Variants in KDSR observed in about 807,000 individuals in gnomAD.
The protein encoded by KDSR is 3-dehydrosphinganine reductase.
In KDSR, 23 loss-of-function variants were observed where a neutral mutation model predicts 41.3. That is an observed-to-expected ratio of 0.56 (90% CI 0.40 to 0.79). The LOEUF is 0.79. KDSR is among the 30% of genes least tolerant of loss of function. KDSR has a pLI of 0.00. For synonymous variants in KDSR, 138 were observed against 151.7 expected, an observed-to-expected ratio of 0.91 and a Z score of 0.66; for missense variants, 351 against 416.8, an observed-to-expected ratio of 0.84 and a Z score of 1.37.
chr18:63,344,377 A>C, intron 7 of KDSR, 33 bp downstream of exon 7: 12 of 1,407,958 alleles, frequency 8.5e-6, no homozygotes, highest in South Asian at 2.3e-5. Context: ...AGTAAACATT[A>C]GAGGTTCAAA....
At chr18:63,359,313 C>A (rs1914897178) in intron 3 of KDSR, among the ~76,000 whole-genome samples, 1 of 151,742 alleles carries the variant, frequency 6.6e-6, no homozygotes, top group African/African-American at 2.4e-5. Flanking sequence ...CTTCAGAGAC[C>A]CTGATCATTT....
At chr18:63,354,235 A>T (rs1286917894) in intron 5 of KDSR, among the ~76,000 whole-genome samples, 3 of 152,126 alleles carry the variant, frequency 2.0e-5, no homozygotes, top group African/African-American at 7.2e-5. Context: ...ACTCCGCTTG[A>T]GCCCGGGAGG....
intron 5 of KDSR, 139 bp downstream of exon 5, chr18:63,355,065 T>C: frequency 4.9e-6 from 3 of 607,080 alleles, no homozygotes; most frequent in Non-Finnish European, 8.6e-6. Flanking sequence ...CTTCACCTTG[T>C]TCAGCCTTCC....
chr18:63,340,515 G>A (rs926242509), intron 7 of KDSR, among the ~76,000 whole-genome samples: 1 of 152,180 alleles, frequency 6.6e-6, no homozygotes, highest in African/African-American at 2.4e-5. Context: ...ACAGTTCAAG[G>A]TGGTAAGTTC....
chr18:63,337,180 A>T (rs1464952454), intron 8 of KDSR, among the ~76,000 whole-genome samples: 4 of 148,362 alleles, frequency 2.7e-5, no homozygotes, highest in Admixed American at 1.4e-4. Flanking sequence ...CAATGGCTCA[A>T]TCTCAGCTCA....
chr18:63,331,734 A>G lies in KDSR; in HGVS notation c.*48T>C, dbSNP rs756136212. Reference sequence around the variant, plus strand: ...AAAAATTGGGTCCCATTTAGCAGCAAGCTGTTCAAATTATTTGGAAACAGT... The same window carrying G: ...AAAAATTGGGTCCCATTTAGCAGCAGGCTGTTCAAATTATTTGGAAACAGT... On this transcript the variant is annotated 3_prime_UTR_variant, in exon 10 of 10. Transcript: ENST00000645214. The G allele has an allele frequency of 1.3e-6, 2 of 1,595,978 alleles. No homozygotes were observed. Among genetic ancestry groups the G allele is most frequent in the South Asian group, 2.3e-5 (2 of 88,554 alleles).
chr18:63,332,626 T>C (rs1188186686), intron 9 of KDSR, among the ~76,000 whole-genome samples: 1 of 152,042 alleles, frequency 6.6e-6, no homozygotes, highest in Non-Finnish European at 1.5e-5. Flanking sequence ...GGTCAGGAGA[T>C]TGAGACCATC....
chr18:63,349,633 C>T (rs549562104), intron 6 of KDSR, among the ~76,000 whole-genome samples: 16 of 152,372 alleles, frequency 1.1e-4, no homozygotes, highest in African/African-American at 3.6e-4. Flanking sequence ...CACATCAGGA[C>T]TGTCGCTGTC....
At position 63,331,220 on chromosome 18, in the gene KDSR, C is replaced by T. The variant is rs902999945; in HGVS notation, c.*562G>A. On this transcript the variant is annotated 3_prime_UTR_variant, in exon 10 of 10. Transcript: ENST00000645214. ...GGGCTGTCAGTGACATTCAGACTCA[C>T]TGGCAATGGGTCCAACTCATCTTGA... 5 of 232,930 alleles carry T rather than the reference C, an allele frequency of 2.1e-5. No individual in the cohort carries two copies. Among genetic ancestry groups the T allele is most frequent in the African/African-American group, 1.1e-4 (5 of 45,330 alleles). 14.4% of individuals were successfully genotyped at this position (232,930 alleles called of 1,614,324 possible).
chr18:63,361,000 A>AATATATATATATAT (rs1555715412), intron 2 of KDSR, among the ~76,000 whole-genome samples: 3 of 22,026 alleles, frequency 1.4e-4, no homozygotes, highest in African/African-American at 7.1e-4. Context: ...ACTAAAAAAA[A>AATATATATATATAT]AATATATATA....
chr18:63,366,935 G>A (rs1171021244), intron 1 of KDSR, 76 bp downstream of exon 1: 4 of 733,320 alleles, frequency 5.5e-6, no homozygotes, highest in Non-Finnish European at 7.8e-6. Flanking sequence ...AAAAAGGGAC[G>A]TAGGCTACGC....
intron 7 of KDSR, 128 bp downstream of exon 7, chr18:63,344,282 A>C (rs1914432421): frequency 3.4e-6 from 2 of 584,934 alleles, no homozygotes. Flanking sequence ...GGTCATCAGA[A>C]ACCAGCTAGG....
chr18:63,361,936 C>CA (rs1334172952), intron 2 of KDSR, among the ~76,000 whole-genome samples: 1 of 152,218 alleles, frequency 6.6e-6, no homozygotes, highest in Admixed American at 6.5e-5. Flanking sequence ...TCCAGCCCTC[C>CA]ACCCATTTGA....
rs910664821 is a variant in KDSR at position 63,331,167 on chromosome 18, C to T, written c.*615G>A. 1.3e-5 allele frequency: 3 copies of T among 233,102 alleles called. No individual in the cohort carries two copies. Among genetic ancestry groups the T allele is most frequent in the Non-Finnish European group, 8.5e-6 (1 of 118,076 alleles). The allele number at this position is 233,102 out of a possible 1,614,324, so 14.4% of individuals were successfully genotyped here. On this transcript the variant is annotated 3_prime_UTR_variant, in exon 10 of 10. Coordinates refer to ENST00000645214, the MANE Select transcript of KDSR (RefSeq NM_002035.4). ...GAGAGAAGCCATGAGTTTCCACCAG[C>T]AGCAGAGTGAGTCCTGAGCACAACA...
intron 3 of KDSR, 144 bp from the exon 4 acceptor site, chr18:63,355,707 A>G (rs2144371614): frequency 2.4e-6 from 3 of 1,230,258 alleles, no homozygotes; most frequent in Non-Finnish European, 3.2e-6. Context: ...TGATGATGCA[A>G]TTAGCAGAAT....
At position 63,348,142 on chromosome 18, in the gene KDSR, T is replaced by C. The variant is rs564200903; in HGVS notation, c.609+2746A>G. ...CCCATGTCTACAAAAAATAAATAAA[T>C]AAAAAATAAACAAAAAAACGGTGAG... On this transcript the variant is annotated intron_variant, in intron 6 of 9. Coordinates refer to ENST00000645214, the MANE Select transcript of KDSR (RefSeq NM_002035.4). 2.2e-3 allele frequency among the ~76,000 whole-genome samples: 340 copies of C among 151,194 alleles called. 1 individual carries two copies. The highest frequency in any genetic ancestry group is 7.5e-3 in the African/African-American group (308 of 41,182).
chr18:63,337,091 ACT>A (rs1491580647), intron 8 of KDSR, among the ~76,000 whole-genome samples: 1 of 24,710 alleles, frequency 4.0e-5, no homozygotes, highest in Non-Finnish European at 1.5e-4. Flanking sequence ...TATATATGTG[ACT>A]TTATATATAT....
chr18:63,357,255 G>C (rs1043608791), intron 3 of KDSR, among the ~76,000 whole-genome samples: 1 of 152,096 alleles, frequency 6.6e-6, no homozygotes, highest in African/African-American at 2.4e-5. Flanking sequence ...TAACCACTTT[G>C]GTGAGGTTGA....
At chr18:63,357,338 A>G (rs1568282406) in intron 3 of KDSR, among the ~76,000 whole-genome samples, 1 of 152,052 alleles carries the variant, frequency 6.6e-6, no homozygotes. Flanking sequence ...GCACAAAGAG[A>G]ATACTGAAAG....
Sources: allele counts gnomAD v4.1 joint callset (sites outside exome capture counted in the v4.1 genomes callset), GRCh38; gene constraint gnomAD v4.1.1; transcripts MANE v1.5; gene names NCBI Gene and HGNC (gene_info 2026-07-23, HGNC 2026-07-21).